SHROOM2: variants seen among roughly 807,000 people sequenced by gnomAD.
SHROOM2 encodes the protein protein Shroom2.
SHROOM2 carries 33 observed loss-of-function variants against 75.9 expected under a neutral mutation model. The ratio of observed to expected loss-of-function variants is 0.43; its 90% CI spans 0.33 to 0.58. SHROOM2 has a LOEUF of 0.58. Ranked by LOEUF, SHROOM2 falls within the 20% of genes least tolerant of loss-of-function variation. The pLI is 0.04. For synonymous variants in SHROOM2, 655 were observed against 663.6 expected (o/e 0.99, Z 0.20); for missense variants, 1,434 against 1,461.2 (o/e 0.98, Z 0.30).
chrX:9,842,859 G>A (rs145842396), intron 1 of SHROOM2, among the ~76,000 whole-genome samples: 511 of 111,440 alleles, frequency 4.6e-3, no homozygotes, highest in Non-Finnish European at 7.2e-3. Flanking sequence ...GTTGGGTGGG[G>A]TCTGTCTTAG....
chrX:9,913,119 AGCATC>A (rs1202620574), intron 5 of SHROOM2: 1 of 112,601 alleles, frequency 8.9e-6, no homozygotes, highest in Non-Finnish European at 1.9e-5. Flanking sequence ...GGAGGACGCC[AGCATC>A]GCATGAAGAC....
chrX:9,797,787 T>A (rs995538576), intron 1 of SHROOM2, among the ~76,000 whole-genome samples: 1 of 111,310 alleles, frequency 9.0e-6, no homozygotes, highest in Admixed American at 9.5e-5. Flanking sequence ...TAGTCCTAGG[T>A]GGGGCTGGCC....
At chrX:9,808,922 A>G (rs2083774975) in intron 1 of SHROOM2, among the ~76,000 whole-genome samples, 1 of 110,889 alleles carries the variant, frequency 9.0e-6, no homozygotes, top group East Asian at 2.8e-4. Context: ...CGCCATGTTA[A>G]AGGGTACAGT....
At chrX:9,919,324 CTTTTTTTT>C (rs55905923) in intron 5 of SHROOM2, among the ~76,000 whole-genome samples, 1 of 32,468 alleles carries the variant, frequency 3.1e-5, no homozygotes, top group African/African-American at 1.3e-4. Flanking sequence ...GAGGAGGTTG[CTTTTTTTT>C]TTTTTTTTTT....
intron 1 of SHROOM2, among the ~76,000 whole-genome samples, chrX:9,848,377 G>A (rs1234710189): frequency 1.0e-5 from 1 of 99,915 alleles, no homozygotes; most frequent in Non-Finnish European, 2.0e-5. Flanking sequence ...GGTGGCGGGC[G>A]ACTGTAGTCC....
intron 2 of SHROOM2, among the ~76,000 whole-genome samples, chrX:9,881,296 A>G (rs772360745): frequency 8.9e-6 from 1 of 111,950 alleles, no homozygotes; most frequent in South Asian, 3.8e-4. Flanking sequence ...GACAAAGAAG[A>G]GGAAGGAATC....
In SHROOM2 at chrX:9,786,540, C is replaced by A. The variant is rs2083614132; in HGVS notation, c.-6C>A. On this transcript the variant is annotated 5_prime_UTR_variant, in exon 1 of 10. Coordinates refer to ENST00000380913, the MANE Select transcript of SHROOM2 (RefSeq NM_001649.4). ...GCGCGGGCCAGGGACGCTGAGCGGT[C>A]GCGCCATGGAGGGCGCCGAGCCCCG... 4.7e-6 allele frequency: 4 copies of A among 846,522 alleles called. No individual in the cohort carries two copies. The African/African-American group carries it at 6.5e-5, about 14-fold the overall frequency. The allele number at this position is 846,522 out of a possible 1,213,427, so 69.8% of individuals were successfully genotyped here.
intron 1 of SHROOM2, among the ~76,000 whole-genome samples, chrX:9,866,544 G>A (rs2084139910): frequency 9.0e-6 from 1 of 111,188 alleles, no homozygotes; most frequent in Non-Finnish European, 1.9e-5. Flanking sequence ...CCAGCCTCTG[G>A]AGTTGGTGCA....
At chrX:9,830,700 C>G (rs1174782389) in intron 1 of SHROOM2, among the ~76,000 whole-genome samples, 1 of 97,523 alleles carries the variant, frequency 1.0e-5, no homozygotes, top group East Asian at 3.3e-4. Flanking sequence ...CTCTTGGGTT[C>G]GAGCGATTCT....
intron 6 of SHROOM2, among the ~76,000 whole-genome samples, chrX:9,936,107 T>C (rs911806812): frequency 2.7e-5 from 3 of 109,275 alleles, no homozygotes; most frequent in East Asian, 2.8e-4. Flanking sequence ...AAACTTTTCT[T>C]TTTTTTTTGA....
intron 1 of SHROOM2, among the ~76,000 whole-genome samples, chrX:9,806,612 T>A (rs1484194047): frequency 1.0e-5 from 1 of 95,769 alleles, no homozygotes; most frequent in Non-Finnish European, 2.1e-5. Context: ...TCGCCCAGGC[T>A]GGAGTGCAGT....
At chrX:9,825,123 T>C (rs1296034460) in intron 1 of SHROOM2, among the ~76,000 whole-genome samples, 7 of 112,249 alleles carry the variant, frequency 6.2e-5, no homozygotes, top group Non-Finnish European at 1.3e-4. Flanking sequence ...TCTCCCTAAA[T>C]ATCAAAATAC....
intron 1 of SHROOM2, among the ~76,000 whole-genome samples, chrX:9,789,341 C>T (rs2083634548): frequency 9.0e-6 from 1 of 111,170 alleles, no homozygotes; most frequent in Non-Finnish European, 1.9e-5. Context: ...CCCAGCAGAA[C>T]CTCCGCTGAC....
At chrX:9,823,026 TCTCCTCCTCCTCCTC>T (rs1184264540) in intron 1 of SHROOM2, among the ~76,000 whole-genome samples, 359 of 30,392 alleles carry the variant, frequency 0.012, 6 homozygotes, top group African/African-American at 0.03. Context: ...TCCTTCTCCT[TCTCCTCCTCCTCCTC>T]CTCCTCCTCC....
rs200610499 is a variant in SHROOM2 at position 9,894,377 on chromosome X, T to A, written c.469T>A (p.Ser157Thr). The change falls in exon 4 of 10, where the codon TCC (serine) becomes ACC (threonine). Residue 157 changes from serine (S) to threonine (T), a missense_variant. This residue lies in a region of SHROOM2 where 1,340 missense variants were observed against 1,338.3 expected (regional missense o/e 1.00). Transcript: ENST00000380913. ...TTGCAGTTCTTCCTCCCACGACCTG[T>A]CCAGTTCCTGGGAGCAGACGAACCT... is the stretch of plus-strand genomic sequence containing the variant. The part of the protein sequence containing the change: ...HHASSSSHDL[S>T]SSWEQTNLQR... The A allele has an allele frequency of 1.7e-5, 20 of 1,207,959 alleles. No homozygotes were observed. Among genetic ancestry groups the A allele is most frequent in the Admixed American group, 2.2e-5 (1 of 45,601 alleles).
At chrX:9,906,524 G>A (rs1327084697) in intron 5 of SHROOM2, among the ~76,000 whole-genome samples, 4 of 113,075 alleles carry the variant, frequency 3.5e-5, no homozygotes, top group African/African-American at 1.3e-4. Flanking sequence ...GCAGGGCGTG[G>A]TGGCTCACGC....
chrX:9,883,909 A>T (rs2084245238), intron 2 of SHROOM2, among the ~76,000 whole-genome samples: 1 of 111,367 alleles, frequency 9.0e-6, no homozygotes, highest in Middle Eastern at 4.2e-3. Context: ...AGCTTGTCAC[A>T]GTCCCTGAGG....
intron 5 of SHROOM2, among the ~76,000 whole-genome samples, chrX:9,927,310 G>C (rs572838249): frequency 9.0e-4 from 83 of 92,151 alleles, no homozygotes; most frequent in Admixed American, 1.3e-3. Flanking sequence ...TGATCACGCT[G>C]CTGCACTCCA....
At chrX:9,823,787 C>A (rs1244018561) in intron 1 of SHROOM2, among the ~76,000 whole-genome samples, 1 of 76,394 alleles carries the variant, frequency 1.3e-5, no homozygotes. Context: ...GAGACAGGGT[C>A]TTGCTCGTTT....
Sources: gnomAD v4.1 joint callset for allele counts (sites outside exome capture counted in the v4.1 genomes callset) on GRCh38, gnomAD v4.1.1 for gene constraint, gnomAD v4.1.1 regional missense constraint, MANE v1.5 for transcripts, NCBI Gene and HGNC (gene_info 2026-07-23, HGNC 2026-07-21) for gene names.